CDK6: variants seen among roughly 807,000 people sequenced by gnomAD.
CDK6 encodes cyclin-dependent kinase 6.
Under a neutral mutation model 37.1 loss-of-function variants are expected in CDK6, and 6 were observed. The ratio of observed to expected loss-of-function variants is 0.16; its 90% CI spans 0.09 to 0.32. The LOEUF is 0.32. CDK6 is among the 10% of genes least tolerant of loss of function. The pLI is 1.00. For synonymous variants in CDK6, 160 were observed against 161.3 expected (o/e 0.99, Z 0.06); for missense variants, 224 against 418.9 (o/e 0.53, Z 4.06).
chr7:92,824,192 T>C (rs1801252927), intron 2 of CDK6, among the ~76,000 whole-genome samples: 1 of 149,100 alleles, frequency 6.7e-6, no homozygotes, highest in Admixed American at 6.7e-5. Context: ...AAAAAAGAAC[T>C]GCTTCATTGC....
In CDK6 at chr7:92,680,115, T is replaced by C. The variant is rs116215772; in HGVS notation, c.538-8580A>G. 3.2e-3 allele frequency among the ~76,000 whole-genome samples: 486 copies of C among 151,982 alleles called. 1 individual carries two copies. Among genetic ancestry groups the C allele is most frequent in the African/African-American group, 0.011 (460 of 41,456 alleles). On this transcript the variant is annotated intron_variant, in intron 4 of 7. Coordinates refer to ENST00000424848, the MANE Select transcript of CDK6 (RefSeq NM_001145306.2). Reference sequence around the variant, plus strand: ...AGCACAGTCTTCTCATTATAACACCTTAACTGGTTATGGAAACTATTAAGA... The same window carrying C: ...AGCACAGTCTTCTCATTATAACACCCTAACTGGTTATGGAAACTATTAAGA...
intron 2 of CDK6, among the ~76,000 whole-genome samples, chr7:92,812,036 G>A (rs377279030): frequency 8.3e-4 from 126 of 152,300 alleles, no homozygotes; most frequent in African/African-American, 2.9e-3. Context: ...CTACTCAGGA[G>A]GCTGAGGCAG....
intron 5 of CDK6, among the ~76,000 whole-genome samples, chr7:92,649,306 C>G (rs1025036103): frequency 1.2e-4 from 19 of 152,048 alleles, no homozygotes; most frequent in African/African-American, 4.3e-4. Context: ...ATTTTTATGG[C>G]AAGGACTGCT....
intron 2 of CDK6, among the ~76,000 whole-genome samples, chr7:92,777,394 G>A (rs894148277): frequency 3.3e-5 from 5 of 152,172 alleles, no homozygotes. Context: ...TTACAGGCAT[G>A]GGCCACCACG....
chr7:92,658,591 C>A (rs1796761938), intron 5 of CDK6, among the ~76,000 whole-genome samples: 1 of 152,042 alleles, frequency 6.6e-6, no homozygotes, highest in South Asian at 2.1e-4. Flanking sequence ...TTCTCTCTCT[C>A]TCTCTCTCTC....
chr7:92,659,609 C>G (rs1169536326), intron 5 of CDK6, among the ~76,000 whole-genome samples: 19 of 142,604 alleles, frequency 1.3e-4, no homozygotes, highest in African/African-American at 4.9e-4. Flanking sequence ...GTAGGCATGA[C>G]ACACACACAC....
intron 4 of CDK6, among the ~76,000 whole-genome samples, chr7:92,686,246 A>G (rs2116632298): frequency 6.6e-6 from 1 of 152,230 alleles, no homozygotes; most frequent in Admixed American, 6.5e-5. Context: ...AGTAGTGTAC[A>G]CTGTACCCAA....
chr7:92,664,747 A>G (rs1235787912), intron 5 of CDK6, among the ~76,000 whole-genome samples: 1 of 151,424 alleles, frequency 6.6e-6, no homozygotes, highest in Admixed American at 6.6e-5. Context: ...GCTTGCCACA[A>G]TCTTCGTATT....
Position 92,665,653 on chromosome 7 carries a change from A to G in CDK6, c.647+5773T>C, listed in dbSNP as rs767806508. Among the ~76,000 whole-genome samples, 6 of 152,224 alleles carry G rather than the reference A, an allele frequency of 3.9e-5. No individual in the cohort carries two copies. In the South Asian group the frequency reaches 1.2e-3, roughly 32 times the overall value. ...TAATAATATGACAGAGAATTGGCCA[A>G]CCTTTCCAATACAGGACAGATTCTA... is the stretch of plus-strand genomic sequence containing the variant. On this transcript the variant is annotated intron_variant, in intron 5 of 7. Transcript: ENST00000424848.
intron 4 of CDK6, among the ~76,000 whole-genome samples, chr7:92,699,315 T>G (rs1018145878): frequency 4.6e-5 from 7 of 152,216 alleles, no homozygotes; most frequent in African/African-American, 1.7e-4. Flanking sequence ...AGTCAATAAT[T>G]AAACTGCTGA....
chr7:92,679,861 C>A (rs1272780495), intron 4 of CDK6, among the ~76,000 whole-genome samples: 1 of 151,840 alleles, frequency 6.6e-6, no homozygotes, highest in Non-Finnish European at 1.5e-5. Context: ...GTTGGGATTA[C>A]AGGCGTGCAC....
intron 4 of CDK6, among the ~76,000 whole-genome samples, chr7:92,720,535 T>C (rs1456523825): frequency 2.0e-5 from 3 of 152,118 alleles, no homozygotes; most frequent in South Asian, 2.1e-4. Context: ...CCAAGCTGTA[T>C]GATTAGGTTT....
At chr7:92,815,110 A>T (rs1800994494) in intron 2 of CDK6, among the ~76,000 whole-genome samples, 1 of 152,190 alleles carries the variant, frequency 6.6e-6, no homozygotes, top group African/African-American at 2.4e-5. Context: ...TTCTTCCCAC[A>T]TTCAGGGGAG....
intron 3 of CDK6, among the ~76,000 whole-genome samples, chr7:92,752,008 G>A (rs1584050703): frequency 1.3e-5 from 2 of 152,140 alleles, no homozygotes; most frequent in Admixed American, 6.6e-5. Context: ...TTCTACTATG[G>A]TGACTTAGAT....
chr7:92,631,520 C>G (rs527755428), intron 5 of CDK6, among the ~76,000 whole-genome samples: 11 of 152,270 alleles, frequency 7.2e-5, no homozygotes, highest in African/African-American at 2.6e-4. Flanking sequence ...TGGGGGGAGT[C>G]CCCTCCTCAT....
At chr7:92,639,512 C>T (rs1160763168) in intron 5 of CDK6, among the ~76,000 whole-genome samples, 1 of 152,240 alleles carries the variant, frequency 6.6e-6, no homozygotes, top group Non-Finnish European at 1.5e-5. Context: ...TAAAGCCTTC[C>T]TGTTCTCACT....
At chr7:92,650,056 T>A (rs1362390194) in intron 5 of CDK6, among the ~76,000 whole-genome samples, 2 of 152,216 alleles carry the variant, frequency 1.3e-5, no homozygotes, top group Non-Finnish European at 2.9e-5. Context: ...TTTTTTCTTC[T>A]CACCAATTTG....
intron 4 of CDK6, among the ~76,000 whole-genome samples, chr7:92,712,167 A>G (rs1194562576): frequency 2.6e-5 from 4 of 151,942 alleles, no homozygotes; most frequent in Admixed American, 1.3e-4. Context: ...CCCAAAAAAA[A>G]AAAAAGAACC....
intron 3 of CDK6, among the ~76,000 whole-genome samples, chr7:92,748,835 C>T (rs960984790): frequency 2.0e-5 from 3 of 152,126 alleles, no homozygotes; most frequent in Non-Finnish European, 2.9e-5. Context: ...ATTCCCCATC[C>T]ACACCTATAG....
Sources: allele counts gnomAD v4.1 joint callset (sites outside exome capture counted in the v4.1 genomes callset), GRCh38; gene constraint gnomAD v4.1.1; transcripts MANE v1.5; gene names NCBI Gene and HGNC (gene_info 2026-07-23, HGNC 2026-07-21).